Variants in UNC13C observed in about 807,000 individuals in gnomAD.
UNC13C encodes unc-13 homolog C, also known as protein unc-13 homolog C.
Under a neutral mutation model 245.4 loss-of-function variants are expected in UNC13C, and 174 were observed. The ratio of observed to expected loss-of-function variants is 0.71; its 90% CI spans 0.63 to 0.80. The LOEUF is 0.80. Among genes scored for constraint, UNC13C ranks in the 30% least tolerant of loss-of-function variants. The pLI is 0.00. For missense variants in UNC13C, 2,829 were observed against 2,602.9 expected, an observed-to-expected ratio of 1.09 and a Z score of -1.89; for synonymous variants, 992 against 895.1, an observed-to-expected ratio of 1.11 and a Z score of -1.93.
the UNC13C span, among the ~76,000 whole-genome samples, chr15:53,888,263 G>A: frequency 2.6e-5 from 4 of 152,098 alleles, no homozygotes; most frequent in East Asian, 7.7e-4. Flanking sequence ...GCGTGAGATG[G>A]TATCTCATTG....
At chr15:53,972,277 A>G in the UNC13C span, among the ~76,000 whole-genome samples, 1 of 152,184 alleles carries the variant, frequency 6.6e-6, no homozygotes, top group Admixed American at 6.5e-5. Context: ...ACCAGAAATT[A>G]GGGTTTTGTT....
intron 25 of UNC13C, among the ~76,000 whole-genome samples, chr15:54,528,318 C>CTTTTT (rs33919757): frequency 1.4e-5 from 2 of 140,992 alleles, no homozygotes; most frequent in African/African-American, 2.6e-5. Flanking sequence ...TGGTTTGCTC[C>CTTTTT]TTTTTTTTTT....
rs919437020 is a variant in UNC13C, at chr15:54,031,048, A to G, written c.2983+15162A>G. Among the ~76,000 whole-genome samples, 9 of 152,088 alleles carry G rather than the reference A, an allele frequency of 5.9e-5. 1 individual carries two copies. The highest frequency in any genetic ancestry group is 2.2e-4 in the African/African-American group (9 of 41,426). ...ATGCTGTGTCTCCCAATTATCAAGT[A>G]TCTAGTAGCTCATTGGTCTTTGCTT... On this transcript the variant is annotated intron_variant, in intron 2 of 32. Coordinates refer to ENST00000260323, the MANE Select transcript of UNC13C (RefSeq NM_001080534.3).
intron 1 of UNC13C, among the ~76,000 whole-genome samples, chr15:53,986,601 G>T (rs1454505711): frequency 2.0e-5 from 3 of 151,954 alleles, no homozygotes; most frequent in Non-Finnish European, 4.4e-5. Flanking sequence ...TAAAACACTA[G>T]ATATGGTTTT....
the UNC13C span, among the ~76,000 whole-genome samples, chr15:53,904,187 T>C: frequency 2.0e-5 from 3 of 152,200 alleles, no homozygotes; most frequent in African/African-American, 4.8e-5. Context: ...CCTGCTGAGA[T>C]GGTAGACTCT....
At chr15:53,894,362 C>T in the UNC13C span, among the ~76,000 whole-genome samples, 1 of 152,148 alleles carries the variant, frequency 6.6e-6, no homozygotes, top group Non-Finnish European at 1.5e-5. Context: ...AACTGTTTAC[C>T]TAAATATTCT....
intron 2 of UNC13C, among the ~76,000 whole-genome samples, chr15:54,093,366 G>C (rs1361183511): frequency 6.6e-6 from 1 of 152,150 alleles, no homozygotes; most frequent in Non-Finnish European, 1.5e-5. Flanking sequence ...AGGTATGGCT[G>C]AACAGTTAAA....
chr15:54,527,367 CTATT>C (rs1566889272), intron 25 of UNC13C, among the ~76,000 whole-genome samples: 1 of 151,734 alleles, frequency 6.6e-6, no homozygotes, highest in Non-Finnish European at 1.5e-5. Context: ...ACATTAGAGA[CTATT>C]TAGCAAAGTT....
chr15:54,065,865 G>C (rs1489300880), intron 2 of UNC13C, among the ~76,000 whole-genome samples: 1 of 152,162 alleles, frequency 6.6e-6, no homozygotes, highest in Non-Finnish European at 1.5e-5. Flanking sequence ...ATGACTTACT[G>C]ACTTCCAATG....
intron 12 of UNC13C, among the ~76,000 whole-genome samples, chr15:54,299,755 C>T (rs1428769984): frequency 3.9e-5 from 6 of 152,154 alleles, no homozygotes; most frequent in Admixed American, 3.9e-4. Flanking sequence ...TCTAACTAAC[C>T]TCTCAGCTGC....
In UNC13C at chr15:54,338,477, G is replaced by T; in HGVS notation, c.4701G>T (p.Gln1567His). The T allele has an allele frequency of 1.2e-6, 2 of 1,612,830 alleles. No individual in the cohort carries two copies. ...IFDNCHELYS[Q>H]LTDPSKKQDI... Reference sequence around the variant, plus strand: ...ACAACTGCCATGAACTCTACTCCCAGCTAACAGACCCGGTAAGAAAATATG... The same window carrying T: ...ACAACTGCCATGAACTCTACTCCCATCTAACAGACCCGGTAAGAAAATATG... Residue 1567 changes from glutamine to histidine, a missense_variant, in exon 17 of 33, where the codon CAG becomes CAT. Gln to His is a conservative substitution (Grantham distance 24, BLOSUM62 0). Transcript: ENST00000260323.
intron 4 of UNC13C, among the ~76,000 whole-genome samples, chr15:54,199,779 G>A (rs1246944783): frequency 6.6e-6 from 1 of 151,714 alleles, no homozygotes; most frequent in Non-Finnish European, 1.5e-5. Context: ...ACAACACAAT[G>A]AAAACAAAAA....
intron 2 of UNC13C, among the ~76,000 whole-genome samples, chr15:54,126,644 C>T (rs1286589028): frequency 6.6e-6 from 1 of 152,096 alleles, no homozygotes; most frequent in Non-Finnish European, 1.5e-5. Flanking sequence ...AGGATATAAG[C>T]ATGGGCAAAG....
intron 4 of UNC13C, among the ~76,000 whole-genome samples, chr15:54,206,555 C>G (rs1033157537): frequency 1.3e-5 from 2 of 152,084 alleles, no homozygotes; most frequent in Admixed American, 6.6e-5. Context: ...TATAAGGATT[C>G]TATCACCTTG....
intron 2 of UNC13C, among the ~76,000 whole-genome samples, chr15:54,060,922 A>T (rs1260903242): frequency 3.9e-5 from 6 of 152,034 alleles, no homozygotes; most frequent in Non-Finnish European, 8.8e-5. Flanking sequence ...ATCAAAGAGA[A>T]CACATGGACA....
At position 54,053,873 on chromosome 15, in the gene UNC13C, A is replaced by G. The variant is rs576232108; in HGVS notation, c.2983+37987A>G. 2.0e-5 allele frequency among the ~76,000 whole-genome samples: 3 copies of G among 152,266 alleles called. No individual in the cohort carries two copies. In the East Asian group the frequency reaches 5.8e-4, roughly 29 times the overall value. On this transcript the variant is annotated intron_variant, in intron 2 of 32. Coordinates refer to ENST00000260323, the MANE Select transcript of UNC13C (RefSeq NM_001080534.3). ...TTGTTTGAATTTTTAGCTCCCATAAATAAATGAGAATATGTGAAGTTTGTT... is the reference window on the plus strand; with the variant it reads ...TTGTTTGAATTTTTAGCTCCCATAAGTAAATGAGAATATGTGAAGTTTGTT...
At chr15:54,565,625 A>G (rs188917022) in intron 29 of UNC13C, among the ~76,000 whole-genome samples, 66 of 152,160 alleles carry the variant, frequency 4.3e-4, no homozygotes, top group African/African-American at 1.6e-3. Context: ...GTCTCAAAGG[A>G]GAATTCCAGA....
At chr15:54,295,731 G>A (rs2037412500) in intron 11 of UNC13C, among the ~76,000 whole-genome samples, 1 of 151,196 alleles carries the variant, frequency 6.6e-6, no homozygotes, top group African/African-American at 2.4e-5. Context: ...TGAGGAATTT[G>A]AATATGCTGC....
intron 4 of UNC13C, among the ~76,000 whole-genome samples, chr15:54,163,387 A>G (rs1353326255): frequency 1.3e-5 from 2 of 152,170 alleles, no homozygotes; most frequent in Non-Finnish European, 2.9e-5. Context: ...ATTTCTGGCC[A>G]GAATTGTAAG....
Sources: allele counts gnomAD v4.1 joint callset (sites outside exome capture counted in the v4.1 genomes callset), GRCh38; gene constraint gnomAD v4.1.1; transcripts MANE v1.5; gene names NCBI Gene and HGNC (gene_info 2026-07-23, HGNC 2026-07-21).